Variants in SPTLC3 observed in about 807,000 individuals in gnomAD.
SPTLC3 encodes the protein serine palmitoyltransferase 3.
SPTLC3 carries 36 observed loss-of-function variants against 59.3 expected under a neutral mutation model. The ratio of observed to expected loss-of-function variants is 0.61; its 90% CI spans 0.47 to 0.80. The LOEUF (loss-of-function observed/expected upper bound fraction) is 0.80. SPTLC3 is among the 30% of genes least tolerant of loss of function. The probability of loss-of-function intolerance (pLI) is 0.00; values close to 1 mark genes in which losing one functional copy is unlikely to be tolerated. For synonymous variants in SPTLC3, 257 were observed against 240.8 expected (o/e 1.07, Z -0.62); for missense variants, 625 against 685.1 (o/e 0.91, Z 0.98).
chr20:13,114,811 C>G (rs1452493784), intron 7 of SPTLC3, among the ~76,000 whole-genome samples: 2 of 152,122 alleles, frequency 1.3e-5, no homozygotes, highest in Non-Finnish European at 2.9e-5. Flanking sequence ...AGTTAGCTAG[C>G]CGGTGGTTTA....
rs1600270869 is a variant in SPTLC3, at chr20:13,092,098, T to C, written c.732+891T>C. On this transcript the variant is annotated intron_variant, in intron 5 of 11. Coordinates refer to ENST00000399002, the MANE Select transcript of SPTLC3 (RefSeq NM_018327.4). ...ACCCTTCCTGAGAAAGTCTGCAATG[T>C]CTGTGCAAAAGTGGTGAGAGGAGAA... Among the ~76,000 whole-genome samples, 5 of 152,284 alleles carry C rather than the reference T, an allele frequency of 3.3e-5. No individual in the cohort carries two copies. In the South Asian group the frequency reaches 1.0e-3, roughly 32 times the overall value.
At chr20:13,126,478 G>C in intron 8 of SPTLC3, 113 bp from the exon 9 acceptor site, 2 of 1,253,716 alleles carry the variant, frequency 1.6e-6, no homozygotes, top group Non-Finnish European at 2.2e-6. Context: ...CATCTTTTGA[G>C]CATGAGATCA....
chr20:13,121,366 C>G lies in SPTLC3; in HGVS notation c.1152+3641C>G, dbSNP rs116606579. Reference sequence around the variant, plus strand: ...AAGCCAGGTCACTCTAAAAAGTGAGCTCTGCCCTGCACACTAGGCCCTGGC... The same window carrying G: ...AAGCCAGGTCACTCTAAAAAGTGAGGTCTGCCCTGCACACTAGGCCCTGGC... On this transcript the variant is annotated intron_variant, in intron 8 of 11. Coordinates refer to ENST00000399002, the MANE Select transcript of SPTLC3 (RefSeq NM_018327.4). 4.6e-3 allele frequency among the ~76,000 whole-genome samples: 698 copies of G among 152,306 alleles called. 5 individuals are homozygous for G. The highest frequency in any genetic ancestry group is 0.016 in the African/African-American group (656 of 41,570).
chr20:13,100,635 C>G (rs895599516), intron 6 of SPTLC3, among the ~76,000 whole-genome samples: 1 of 152,172 alleles, frequency 6.6e-6, no homozygotes, highest in African/African-American at 2.4e-5. Flanking sequence ...ATTAGTTCTT[C>G]TATAATAGTA....
intron 11 of SPTLC3, 35 bp from the exon 12 acceptor site, chr20:13,164,719 T>C (rs1383881407): frequency 2.6e-6 from 4 of 1,546,664 alleles, no homozygotes; most frequent in African/African-American, 2.7e-5. Flanking sequence ...ACTTAGGTGT[T>C]CAATGATAGC....
chr20:13,058,635 C>A (rs1987826348), intron 2 of SPTLC3, among the ~76,000 whole-genome samples: 2 of 152,290 alleles, frequency 1.3e-5, no homozygotes, highest in South Asian at 4.1e-4. Context: ...CATCCGCATA[C>A]AAAATTGCAA....
At chr20:13,152,904 C>T (rs994738062) in intron 9 of SPTLC3, among the ~76,000 whole-genome samples, 1 of 152,140 alleles carries the variant, frequency 6.6e-6, no homozygotes, top group African/African-American at 2.4e-5. Context: ...ACCCTATTTC[C>T]ATCTGAAGAG....
At position 13,164,912 on chromosome 20, in the gene SPTLC3, C is replaced by A; in HGVS notation, c.*45C>A. The A allele has an allele frequency of 6.7e-7, 1 of 1,490,020 alleles. No homozygotes were observed. The highest frequency in any genetic ancestry group is 9.2e-7 in the Non-Finnish European group (1 of 1,084,164). 92.3% of individuals were successfully genotyped at this position (1,490,020 alleles called of 1,614,324 possible). A position where few individuals can be genotyped will look rare whatever the true frequency, so the allele number is the denominator to read the frequency against. ...CACATAAAGACTTTGCGAGAAAGAC[C>A]TCCCTCCTTGCCTCACAAGGAATAT... On this transcript the variant is annotated 3_prime_UTR_variant, in exon 12 of 12. Transcript: ENST00000399002.
intron 4 of SPTLC3, among the ~76,000 whole-genome samples, chr20:13,082,920 G>T (rs746934412): frequency 6.6e-6 from 1 of 152,202 alleles, no homozygotes; most frequent in Admixed American, 6.5e-5. Flanking sequence ...ATCAATGTCT[G>T]CTCCTAATTT....
At chr20:13,113,164 CAGAG>C (rs1361531200) in intron 7 of SPTLC3, among the ~76,000 whole-genome samples, 2 of 152,102 alleles carry the variant, frequency 1.3e-5, no homozygotes, top group African/African-American at 2.4e-5. Context: ...GCCTGGGAGA[CAGAG>C]AGAGACTCTG....
chr20:13,046,593 G>A (rs1987243905), intron 1 of SPTLC3, among the ~76,000 whole-genome samples: 1 of 152,180 alleles, frequency 6.6e-6, no homozygotes, highest in Non-Finnish European at 1.5e-5. Flanking sequence ...GGATGTGGGA[G>A]GTGGGTCTTA....
chr20:13,105,079 A>G (rs907508072), intron 6 of SPTLC3, among the ~76,000 whole-genome samples: 6 of 152,172 alleles, frequency 3.9e-5, no homozygotes, highest in Non-Finnish European at 5.9e-5. Context: ...CCTACAGAAC[A>G]TAAATCACAA....
At chr20:13,034,466 T>C (rs762259303) in intron 1 of SPTLC3, among the ~76,000 whole-genome samples, 4 of 152,152 alleles carry the variant, frequency 2.6e-5, no homozygotes, top group Admixed American at 2.6e-4. Flanking sequence ...TTGATGGCCA[T>C]CTCTAGGGAG....
intron 2 of SPTLC3, among the ~76,000 whole-genome samples, chr20:13,053,301 G>T (rs572937439): frequency 6.6e-6 from 1 of 152,270 alleles, no homozygotes. Flanking sequence ...CAGCAGAGGG[G>T]CCTGACTGTT....
At chr20:13,054,251 G>C (rs1244514430) in intron 2 of SPTLC3, among the ~76,000 whole-genome samples, 2 of 152,204 alleles carry the variant, frequency 1.3e-5, no homozygotes, top group Non-Finnish European at 2.9e-5. Flanking sequence ...GAGGCAAGCA[G>C]GGGCCAGACT....
chr20:13,030,573 A>G (rs1986388739), intron 1 of SPTLC3, among the ~76,000 whole-genome samples: 1 of 152,090 alleles, frequency 6.6e-6, no homozygotes, highest in Admixed American at 6.6e-5. Flanking sequence ...TCCTCAGCCT[A>G]TTCATTCTTA....
At chr20:13,158,764 G>A (rs891957140) in intron 10 of SPTLC3, among the ~76,000 whole-genome samples, 1 of 152,196 alleles carries the variant, frequency 6.6e-6, no homozygotes, top group African/African-American at 2.4e-5. Flanking sequence ...GGGTCCTGCA[G>A]TCTCCATTGC....
intron 2 of SPTLC3, among the ~76,000 whole-genome samples, chr20:13,060,225 G>A (rs927419035): frequency 2.0e-5 from 3 of 152,144 alleles, no homozygotes; most frequent in Non-Finnish European, 4.4e-5. Flanking sequence ...CAGCATTTCA[G>A]TTCACAGTTT....
rs80065810 is a variant in SPTLC3, at chr20:13,014,092, A to G, written c.117+4708A>G. Among the ~76,000 whole-genome samples the G allele has an allele frequency of 3.5e-3, 531 of 152,166 alleles. 5 individuals are homozygous for G. The highest frequency in any genetic ancestry group is 0.011 in the African/African-American group (469 of 41,512). On this transcript the variant is annotated intron_variant, in intron 1 of 11. Transcript: ENST00000399002. ...AGAGAGTAAAAATAGAAACTACAAG[A>G]CCTCTTTTATGTCCTAGGGACATTT...
Sources: gnomAD v4.1 joint callset for allele counts (sites outside exome capture counted in the v4.1 genomes callset) on GRCh38, gnomAD v4.1.1 for gene constraint, MANE v1.5 for transcripts, NCBI Gene and HGNC (gene_info 2026-07-23, HGNC 2026-07-21) for gene names.